MSRA: variants seen among roughly 807,000 people sequenced by gnomAD.
MSRA encodes methionine sulfoxide reductase A.
MSRA carries 54 observed loss-of-function variants against 31.3 expected under a neutral mutation model. The ratio of observed to expected loss-of-function variants is 1.73; its 90% CI spans 1.39 to 2.17. The LOEUF is 2.17. Ranked by LOEUF, MSRA falls within the 30% of genes most tolerant of loss-of-function variation. The pLI, the probability that MSRA is intolerant of heterozygous loss-of-function variation, is 0.00. For missense variants in MSRA, 507 were observed against 300.9 expected (o/e 1.69, Z -5.07); for synonymous variants, 169 against 116.5 (o/e 1.45, Z -2.90).
intron 1 of MSRA, among the ~76,000 whole-genome samples, chr8:10,176,304 A>C (rs938800279): frequency 6.6e-6 from 1 of 152,154 alleles, no homozygotes; most frequent in Non-Finnish European, 1.5e-5. Context: ...ATCTCAAATC[A>C]AGCCTCCTCA....
intron 1 of MSRA, among the ~76,000 whole-genome samples, chr8:10,127,496 A>T (rs1333757113): frequency 6.6e-6 from 1 of 152,204 alleles, no homozygotes; most frequent in Non-Finnish European, 1.5e-5. Flanking sequence ...TATTGAATTC[A>T]GTTCAGAGAT....
intron 1 of MSRA, among the ~76,000 whole-genome samples, chr8:10,134,738 C>A (rs1477304743): frequency 6.6e-6 from 1 of 152,230 alleles, no homozygotes; most frequent in Non-Finnish European, 1.5e-5. Flanking sequence ...GGAGGGCAGT[C>A]TTCTCCTATG....
chr8:10,160,301 C>G (rs1356141211), intron 1 of MSRA, among the ~76,000 whole-genome samples: 5 of 152,018 alleles, frequency 3.3e-5, no homozygotes, highest in Admixed American at 6.6e-5. Flanking sequence ...AAAGACCATC[C>G]TGGCTAACAC....
intron 1 of MSRA, among the ~76,000 whole-genome samples, chr8:10,150,761 G>T (rs573362963): frequency 2.0e-5 from 3 of 152,094 alleles, no homozygotes; most frequent in Non-Finnish European, 4.4e-5. Context: ...TGTGACAAGC[G>T]CGCAGGATTA....
At position 10,207,838 on chromosome 8, in the gene MSRA, C is replaced by T. The variant is rs1809130354; in HGVS notation, c.148C>T (p.His50Tyr). ...TTCTTTTTTTTTTTTTCTAGCCAAACATCATGTCAATGGCAACAGAACAGT... is the reference window on the plus strand; with the variant it reads ...TTCTTTTTTTTTTTTTCTAGCCAAATATCATGTCAATGGCAACAGAACAGT... ...RKEQTPVAAK[H>Y]HVNGNRTVEP... is the part of the protein sequence containing the mutation. The change falls in exon 2 of 6, where the codon CAT becomes TAT. Residue 50 changes from histidine (H) to tyrosine (Y), a missense_variant. Coordinates refer to ENST00000317173, the MANE Select transcript of MSRA (RefSeq NM_012331.5). The T allele has an allele frequency of 6.3e-7, 1 of 1,598,750 alleles. No homozygotes were observed. Among genetic ancestry groups the T allele is most frequent in the Non-Finnish European group, 8.5e-7 (1 of 1,172,260 alleles).
chr8:10,286,731 T>C (rs1799958369), intron 3 of MSRA, among the ~76,000 whole-genome samples: 1 of 152,240 alleles, frequency 6.6e-6, no homozygotes, highest in African/African-American at 2.4e-5. Flanking sequence ...CACATGTCTT[T>C]GGATGTCTCC....
intron 1 of MSRA, among the ~76,000 whole-genome samples, chr8:10,150,323 G>GA (rs1803549769): frequency 2.0e-5 from 3 of 152,134 alleles, no homozygotes; most frequent in Admixed American, 1.3e-4. Context: ...ACTCGAGAGA[G>GA]AAAATCAGTC....
chr8:10,104,481 C>T (rs1799747237), intron 1 of MSRA, among the ~76,000 whole-genome samples: 2 of 152,018 alleles, frequency 1.3e-5, no homozygotes, highest in Admixed American at 1.3e-4. Flanking sequence ...TCTGGAAGGG[C>T]AGGACAACTT....
At chr8:10,179,396 C>G (rs928071877) in intron 1 of MSRA, among the ~76,000 whole-genome samples, 1 of 152,174 alleles carries the variant, frequency 6.6e-6, no homozygotes, top group African/African-American at 2.4e-5. Flanking sequence ...TGGGACTGAG[C>G]AATCTCCATG....
At chr8:10,321,696 G>A (rs1395131281) in intron 5 of MSRA, among the ~76,000 whole-genome samples, 1 of 152,212 alleles carries the variant, frequency 6.6e-6, no homozygotes, top group Non-Finnish European at 1.5e-5. Context: ...TACCGCGTGA[G>A]AGATGGTAGG....
At chr8:10,223,316 A>C (rs932967854) in intron 2 of MSRA, among the ~76,000 whole-genome samples, 1 of 152,224 alleles carries the variant, frequency 6.6e-6, no homozygotes, top group Non-Finnish European at 1.5e-5. Flanking sequence ...TTCAGATTGT[A>C]CTTCTGGTAT....
Position 10,244,989 on chromosome 8 carries a change from C to G in MSRA, c.212-115C>G, listed in dbSNP as rs1469112084. 3.5e-6 allele frequency: 3 copies of G among 845,092 alleles called. No homozygotes were observed. In the African/African-American group the frequency reaches 5.1e-5, roughly 14 times the overall value. The allele number at this position is 845,092 out of a possible 1,614,324, so 52.3% of individuals were successfully genotyped here. A position where few individuals can be genotyped will look rare whatever the true frequency, so the allele number is the denominator to read the frequency against. ...TAAAATCTTAGTCATTTTTGGTTAT[C>G]AAATGACAGGAGCAACTTTTTTTTT... is the stretch of plus-strand genomic sequence containing the variant. On this transcript the variant is annotated intron_variant, in intron 2 of 5. Coordinates refer to ENST00000317173, the MANE Select transcript of MSRA (RefSeq NM_012331.5).
chr8:10,277,345 C>T (rs188528313), intron 3 of MSRA, among the ~76,000 whole-genome samples: 1 of 152,308 alleles, frequency 6.6e-6, no homozygotes, highest in East Asian at 1.9e-4. Flanking sequence ...GTCAGTAACC[C>T]TGGAGCTACT....
chr8:10,293,193 T>C (rs1414396397), intron 3 of MSRA, among the ~76,000 whole-genome samples: 1 of 151,898 alleles, frequency 6.6e-6, no homozygotes, highest in Non-Finnish European at 1.5e-5. Flanking sequence ...GAAGGCAGAG[T>C]CTGAGGTTCC....
In MSRA at chr8:10,072,947, C is replaced by G. The variant is rs539835081; in HGVS notation, c.142+18289C>G. On this transcript the variant is annotated intron_variant, in intron 1 of 5. Transcript: ENST00000317173. ...ATGCAGTTGATTTTGGGATGTTGAT[C>G]TTACATCTTTCAACCTTGCTGAACT... Among the ~76,000 whole-genome samples, 12 of 152,256 alleles carry G rather than the reference C, an allele frequency of 7.9e-5. No individual in the cohort carries two copies. In the East Asian group the frequency reaches 1.2e-3, roughly 15 times the overall value.
intron 5 of MSRA, among the ~76,000 whole-genome samples, chr8:10,419,612 T>G (rs6601458): frequency 0.95 from 144,382 of 152,232 alleles, 68,962 homozygotes; most frequent in Non-Finnish European, 1. Flanking sequence ...ATTAGAAAAT[T>G]GACACTGTAC....
At chr8:10,089,905 A>G (rs949401834) in intron 1 of MSRA, among the ~76,000 whole-genome samples, 1 of 152,212 alleles carries the variant, frequency 6.6e-6, no homozygotes, top group Non-Finnish European at 1.5e-5. Context: ...CAATCCGTTC[A>G]TGTGGGATAT....
intron 3 of MSRA, among the ~76,000 whole-genome samples, chr8:10,252,168 G>C (rs1410598097): frequency 1.3e-5 from 2 of 152,228 alleles, no homozygotes; most frequent in East Asian, 3.8e-4. Context: ...TAAGGGAACT[G>C]AGGCTGAGAG....
At chr8:10,258,442 A>T (rs546870078) in intron 3 of MSRA, among the ~76,000 whole-genome samples, 33 of 152,322 alleles carry the variant, frequency 2.2e-4, no homozygotes, top group African/African-American at 7.7e-4. Context: ...CCTTGAGGGT[A>T]GGGACTATGT....
Sources: gnomAD v4.1 joint callset for allele counts (sites outside exome capture counted in the v4.1 genomes callset) on GRCh38, gnomAD v4.1.1 for gene constraint, MANE v1.5 for transcripts, NCBI Gene and HGNC (gene_info 2026-07-23, HGNC 2026-07-21) for gene names.